The following RHBG variants were observed in gnomAD, a reference collection of about 807,000 sequenced individuals.
The protein encoded by RHBG is ammonium transporter Rh type B.
RHBG carries 39 observed loss-of-function variants against 40.1 expected under a neutral mutation model. The ratio of observed to expected loss-of-function variants is 0.97; its 90% CI spans 0.75 to 1.27. RHBG has a LOEUF of 1.27. Ranked by LOEUF, RHBG falls within the 50% of genes most tolerant of loss-of-function variation. The pLI is 0.00. For missense variants in RHBG, 549 were observed against 588.1 expected (o/e 0.93, Z 0.69); for synonymous variants, 237 against 252.5 (o/e 0.94, Z 0.58).
chr1:156,373,255 G>A (rs554113889), intron 1 of RHBG, among the ~76,000 whole-genome samples: 144 of 152,044 alleles, frequency 9.5e-4, no homozygotes, highest in Non-Finnish European at 1.5e-3. Context: ...GTGAGACCTC[G>A]TCTCTATAAA....
intron 4 of RHBG, among the ~76,000 whole-genome samples, chr1:156,381,081 T>C (rs1667594364): frequency 6.6e-6 from 1 of 152,154 alleles, no homozygotes; most frequent in African/African-American, 2.4e-5. Flanking sequence ...TTTGTATTTT[T>C]GGTAGAGATG....
At chr1:156,378,933 C>A (rs1667421690) in intron 4 of RHBG, among the ~76,000 whole-genome samples, 1 of 152,086 alleles carries the variant, frequency 6.6e-6, no homozygotes. Context: ...TGTTGGGTCA[C>A]CCCAGGGACC....
At chr1:156,380,762 G>A (rs959789254) in intron 4 of RHBG, among the ~76,000 whole-genome samples, 4 of 150,326 alleles carry the variant, frequency 2.7e-5, no homozygotes, top group Admixed American at 1.3e-4. Context: ...TCAACGTTAC[G>A]TGGTTTTCAA....
chr1:156,381,237 G>A, intron 4 of RHBG, 110 bp from the exon 5 acceptor site: 1 of 1,129,094 alleles, frequency 8.9e-7, no homozygotes, highest in East Asian at 2.4e-5. Flanking sequence ...CTGAACATAT[G>A]AGGAAACTGA....
chr1:156,377,939 A>G lies in RHBG; in HGVS notation c.375-51A>G. On this transcript the variant is annotated intron_variant, in intron 2 of 9. Transcript: ENST00000537040. The surrounding 1 kb of genome is among the most constrained non-coding windows in gnomAD (Gnocchi z 4.6). ...GGCTTCATGCCAGGCAGGAACCCCG[A>G]GGCCAGCCTCTCTGACCCCTCTTGT... 1 of 1,484,750 alleles carries G rather than the reference A, an allele frequency of 6.7e-7. No individual in the cohort carries two copies. The highest frequency in any genetic ancestry group is 9.0e-7 in the Non-Finnish European group (1 of 1,109,736). The allele number at this position is 1,484,750 out of a possible 1,614,324, so 92.0% of individuals were successfully genotyped here.
intron 8 of RHBG, among the ~76,000 whole-genome samples, chr1:156,383,544 G>A (rs1667822193): frequency 6.6e-6 from 1 of 152,074 alleles, no homozygotes; most frequent in Admixed American, 6.5e-5. Flanking sequence ...CCAAAGTGCT[G>A]GGATTACAGG....
Position 156,377,649 on chromosome 1 carries a change from C to A in RHBG, c.374+162C>A, listed in dbSNP as rs1208835831. 6.6e-6 allele frequency among the ~76,000 whole-genome samples: 1 copy of A among 152,188 alleles called. No homozygotes were observed. The highest frequency in any genetic ancestry group is 1.9e-4 in the East Asian group (1 of 5,194). On this transcript the variant is annotated intron_variant, in intron 2 of 9. Transcript: ENST00000537040. This position sits in a 1 kb window ranked among gnomAD's most constrained non-coding sequence, Gnocchi z 4.6. Reference sequence around the variant, plus strand: ...CTGCCTGTCCTTATTGCCTGACTTCCTCTCCCATCCTTGACCCTCACACTC... The same window carrying A: ...CTGCCTGTCCTTATTGCCTGACTTCATCTCCCATCCTTGACCCTCACACTC...
In RHBG at chr1:156,382,736, G is replaced by A. The variant is rs188834600; in HGVS notation, c.1113-12G>A. On this transcript the variant is annotated splice_polypyrimidine_tract_variant and intron_variant, in intron 7 of 9. Transcript: ENST00000537040. The stretch of plus-strand genomic sequence containing the variant: ...CCTACCCCTGCCTTTCCTCTATCTG[G>A]TCTCCCTGCAGCCTGGAGAGTGTGT... The A allele has an allele frequency of 6.2e-7, 1 of 1,613,840 alleles. No homozygotes were observed. The highest frequency in any genetic ancestry group is 1.3e-5 in the African/African-American group (1 of 75,006).
At chr1:156,383,232 A>G (rs1202489617) in intron 8 of RHBG, among the ~76,000 whole-genome samples, 4 of 152,242 alleles carry the variant, frequency 2.6e-5, no homozygotes, top group Non-Finnish European at 5.9e-5. Flanking sequence ...ATGGCCTGCC[A>G]CTTCCAGACC....
At chr1:156,382,680 G>T in intron 7 of RHBG, 68 bp from the exon 8 acceptor site, 2 of 1,590,314 alleles carry the variant, frequency 1.3e-6, no homozygotes, top group African/African-American at 1.3e-5. Context: ...GCCATGAGCA[G>T]CCCTGGCCCC....
intron 7 of RHBG, 106 bp from the exon 8 acceptor site, chr1:156,382,642 C>G: frequency 7.0e-7 from 1 of 1,423,138 alleles, no homozygotes; most frequent in Admixed American, 1.7e-5. Flanking sequence ...CTCTTGGCCA[C>G]TTCCTGTTCC....
At chr1:156,383,496 A>G (rs1302329236) in intron 8 of RHBG, among the ~76,000 whole-genome samples, 1 of 152,030 alleles carries the variant, frequency 6.6e-6, no homozygotes, top group Non-Finnish European at 1.5e-5. Flanking sequence ...GGCTGGTCTC[A>G]GACTCCTGAC....
At position 156,385,080 on chromosome 1, in the gene RHBG, A is replaced by T. The variant is rs544869667; in HGVS notation, c.*235A>T. ...TAGGGGGAACCTCACCAGATGCCCA[A>T]CCCGACTGCCCTACCAGCCTGCACA... On this transcript the variant is annotated 3_prime_UTR_variant, in exon 10 of 10. Coordinates refer to ENST00000537040, the MANE Select transcript of RHBG (RefSeq NM_020407.5). 2.7e-5 allele frequency: 13 copies of T among 478,090 alleles called. No individual in the cohort carries two copies. In the South Asian group the frequency reaches 3.8e-4, roughly 14 times the overall value. 29.6% of individuals were successfully genotyped at this position (478,090 alleles called of 1,614,324 possible). A position where few individuals can be genotyped will look rare whatever the true frequency, so the allele number is the denominator to read the frequency against.
Position 156,377,509 on chromosome 1 carries a change from A to G in RHBG, c.374+22A>G. On this transcript the variant is annotated intron_variant, in intron 2 of 9. Coordinates refer to ENST00000537040, the MANE Select transcript of RHBG (RefSeq NM_020407.5). The surrounding 1 kb of genome is among the most constrained non-coding windows in gnomAD (Gnocchi z 4.6). ...AGAGGTGGGCAGCCGCCACCCACCC[A>G]GCTCCCCAAGGTTCACTCGGGAGGC... 1 of 1,596,892 alleles carries G rather than the reference A, an allele frequency of 6.3e-7. No individual in the cohort carries two copies. Among genetic ancestry groups the G allele is most frequent in the Non-Finnish European group, 8.6e-7 (1 of 1,166,882 alleles).
At chr1:156,380,725 CAAAAAAAAA>C (rs564713959) in intron 4 of RHBG, among the ~76,000 whole-genome samples, 2 of 81,996 alleles carry the variant, frequency 2.4e-5, no homozygotes, top group Non-Finnish European at 4.4e-5. Flanking sequence ...GACCTTGTCT[CAAAAAAAAA>C]AAAAAAAAAA....
In RHBG at chr1:156,377,150, G is replaced by T; in HGVS notation, c.188-151G>T. ...GCTCTGCGCAGGTGGCTCAGGGCTGGGAGCCCCTGACATGCCTGGGGAGTT... is the reference window on the plus strand; with the variant it reads ...GCTCTGCGCAGGTGGCTCAGGGCTGTGAGCCCCTGACATGCCTGGGGAGTT... On this transcript the variant is annotated intron_variant, in intron 1 of 9. Coordinates refer to ENST00000537040, the MANE Select transcript of RHBG (RefSeq NM_020407.5). The surrounding 1 kb of genome is among the most constrained non-coding windows in gnomAD (Gnocchi z 4.6). 1 of 840,218 alleles carries T rather than the reference G, an allele frequency of 1.2e-6. No homozygotes were observed. Among genetic ancestry groups the T allele is most frequent in the Non-Finnish European group, 1.9e-6 (1 of 527,776 alleles). 52.0% of individuals were successfully genotyped at this position (840,218 alleles called of 1,614,324 possible).
chr1:156,382,033 G>A, intron 6 of RHBG, 35 bp from the exon 7 acceptor site: 2 of 1,610,384 alleles, frequency 1.2e-6, no homozygotes, highest in African/African-American at 1.3e-5. Flanking sequence ...GTGGGGAGTG[G>A]GCACAGGAGA....
At chr1:156,374,661 AC>A in intron 1 of RHBG, 1 of 404,114 alleles carries the variant, frequency 2.5e-6, no homozygotes, top group Non-Finnish European at 4.8e-6. Context: ...ATCTCGGCTC[AC>A]CACAACCTCT....
intron 1 of RHBG, among the ~76,000 whole-genome samples, chr1:156,375,213 C>T (rs1029335771): frequency 2.6e-5 from 4 of 152,014 alleles, no homozygotes; most frequent in African/African-American, 4.8e-5. Flanking sequence ...TGGGGGATTA[C>T]AGCTGTGCAC....
Sources: gnomAD v4.1 joint callset for allele counts (sites outside exome capture counted in the v4.1 genomes callset) on GRCh38, gnomAD v4.1.1 for gene constraint, Gnocchi (gnomAD v3.1) non-coding constraint, MANE v1.5 for transcripts, NCBI Gene and HGNC (gene_info 2026-07-23, HGNC 2026-07-21) for gene names.